Variants in ERAP1 observed in about 807,000 individuals in gnomAD.
ERAP1 encodes endoplasmic reticulum aminopeptidase 1.
In ERAP1, 86 loss-of-function variants were observed where a neutral mutation model predicts 103.7. The ratio of observed to expected loss-of-function variants is 0.83; its 90% CI spans 0.70 to 0.99. The LOEUF (loss-of-function observed/expected upper bound fraction) is 0.99, where lower values mean the gene tolerates loss of function less well. ERAP1 is among the 50% of genes least tolerant of loss of function. The probability of loss-of-function intolerance (pLI) is 0.00; values close to 1 mark genes in which losing one functional copy is unlikely to be tolerated. For missense variants in ERAP1, 1,009 were observed against 1,128.4 expected, an observed-to-expected ratio of 0.89 and a Z score of 1.52; for synonymous variants, 398 against 402.4, an observed-to-expected ratio of 0.99 and a Z score of 0.13.
At chr5:96,882,572 G>A in the ERAP1 span, among the ~76,000 whole-genome samples, 3 of 152,190 alleles carry the variant, frequency 2.0e-5, no homozygotes, top group Admixed American at 6.5e-5. Flanking sequence ...AGATGCAGAA[G>A]GTCACACTTT....
At chr5:96,832,990 CCTG>C in the ERAP1 span, among the ~76,000 whole-genome samples, 4 of 152,164 alleles carry the variant, frequency 2.6e-5, no homozygotes, top group African/African-American at 9.7e-5. Context: ...GGGGAGTAAT[CCTG>C]CTCTCTTTCT....
the ERAP1 span, chr5:96,909,188 T>C: frequency 1.3e-6 from 2 of 1,502,792 alleles, no homozygotes; most frequent in Non-Finnish European, 1.8e-6. Flanking sequence ...GCTCAGTTTG[T>C]TTTGTGTGAA....
intron 15 of ERAP1, 22 bp downstream of exon 15, chr5:96,783,029 T>C (rs1476669759): frequency 3.7e-6 from 6 of 1,613,086 alleles, no homozygotes; most frequent in Non-Finnish European, 3.4e-6. Context: ...ATCAACAAAT[T>C]GGTTATTTAG....
the ERAP1 span, among the ~76,000 whole-genome samples, chr5:96,855,922 A>T: frequency 3.3e-5 from 5 of 152,154 alleles, no homozygotes; most frequent in African/African-American, 9.7e-5. Context: ...TGTTAACTGC[A>T]ATGTTGGGAA....
At chr5:96,877,389 G>A in the ERAP1 span, among the ~76,000 whole-genome samples, 1 of 151,084 alleles carries the variant, frequency 6.6e-6, no homozygotes. Context: ...TATCAATCAA[G>A]TACATCTCTA....
the ERAP1 span, among the ~76,000 whole-genome samples, chr5:96,890,215 G>A: frequency 3.3e-5 from 5 of 152,202 alleles, no homozygotes; most frequent in African/African-American, 9.6e-5. Flanking sequence ...GACCAGATTT[G>A]TGGAAACAAT....
chr5:96,874,493 C>T, the ERAP1 span, among the ~76,000 whole-genome samples: 85 of 152,326 alleles, frequency 5.6e-4, no homozygotes, highest in South Asian at 0.016. Flanking sequence ...AGTTAGAGTC[C>T]GTAGATAAGC....
At position 96,790,368 on chromosome 5, in the gene ERAP1, C is replaced by T. The variant is rs770528857; in HGVS notation, c.1453-1G>A. ...CTTTTACACCATCTGTAGGGCAAAT[C>T]TAAAAACCAAAAATAAACACATCAC... On this transcript the variant is annotated splice_acceptor_variant, in intron 9 of 18. Transcript: ENST00000443439. LOFTEE classifies it high-confidence loss of function. 3 of 1,613,984 alleles carry T rather than the reference C, an allele frequency of 1.9e-6. No individual in the cohort carries two copies. Among genetic ancestry groups the T allele is most frequent in the Non-Finnish European group, 1.7e-6 (2 of 1,179,938 alleles).
intron 10 of ERAP1, among the ~76,000 whole-genome samples, chr5:96,789,089 G>A (rs1409598571): frequency 6.6e-6 from 1 of 152,224 alleles, no homozygotes; most frequent in East Asian, 1.9e-4. Context: ...TCAAGAGCCT[G>A]TGTTTCTAAA....
the ERAP1 span, chr5:96,902,228 C>A: frequency 7.6e-7 from 1 of 1,316,712 alleles, no homozygotes; most frequent in Non-Finnish European, 1.1e-6. Flanking sequence ...TGAAAAATCA[C>A]AGCAGCATTC....
chr5:96,881,127 G>A, the ERAP1 span: 3 of 304,030 alleles, frequency 9.9e-6, no homozygotes, highest in Non-Finnish European at 1.9e-5. Context: ...TGGAGCCTTG[G>A]GGCGTCTTGT....
chr5:96,776,569 G>A lies in ERAP1; in HGVS notation c.2671-18C>T, dbSNP rs763820912. ...CCTTTTACCTTGTGAGGAAAAAGTG[G>A]GTTTTAAAAAATTAATTTTATCACA... On this transcript the variant is annotated intron_variant, in intron 18 of 18. Coordinates refer to ENST00000443439, the MANE Select transcript of ERAP1 (RefSeq NM_001040458.3). 12 of 1,611,680 alleles carry A rather than the reference G, an allele frequency of 7.4e-6. No homozygotes were observed. The highest frequency in any genetic ancestry group is 1.0e-5 in the Non-Finnish European group (12 of 1,179,598).
intron 3 of ERAP1, among the ~76,000 whole-genome samples, chr5:96,799,528 C>T (rs757697336): frequency 6.6e-6 from 1 of 152,092 alleles, no homozygotes; most frequent in Non-Finnish European, 1.5e-5. Flanking sequence ...ATCTTTGTGG[C>T]GCTTCCAAAG....
chr5:96,796,643 C>T (rs1777373182), intron 4 of ERAP1, among the ~76,000 whole-genome samples: 1 of 152,142 alleles, frequency 6.6e-6, no homozygotes, highest in East Asian at 1.9e-4. Flanking sequence ...AGGATCATGA[C>T]TCAGGCCAGG....
At chr5:96,780,641 T>A in intron 17 of ERAP1, 137 bp from the exon 18 acceptor site, 1 of 729,072 alleles carries the variant, frequency 1.4e-6, no homozygotes, top group Non-Finnish European at 2.4e-6. Flanking sequence ...GTCTATCCAA[T>A]GGGTTAAGAT....
chr5:96,868,356 C>G, the ERAP1 span, among the ~76,000 whole-genome samples: 1 of 152,154 alleles, frequency 6.6e-6, no homozygotes, highest in Admixed American at 6.6e-5. Context: ...GGAAATACAA[C>G]CTACCACTCC....
At chr5:96,896,713 C>G in the ERAP1 span, 1 of 1,550,428 alleles carries the variant, frequency 6.4e-7, no homozygotes, top group Non-Finnish European at 8.6e-7. Flanking sequence ...TTTTTCAACT[C>G]TTTTGTTTTT....
the ERAP1 span, among the ~76,000 whole-genome samples, chr5:96,823,712 T>C: frequency 6.6e-6 from 1 of 152,260 alleles, no homozygotes; most frequent in Non-Finnish European, 1.5e-5. Flanking sequence ...AATTTCTTTT[T>C]CCTTCTTCAC....
chr5:96,900,107 T>C, the ERAP1 span: 1 of 1,613,774 alleles, frequency 6.2e-7, no homozygotes. Context: ...TGCTCTTTTG[T>C]TCTTGTTTTG....
Sources: allele counts gnomAD v4.1 joint callset (sites outside exome capture counted in the v4.1 genomes callset), GRCh38; gene constraint gnomAD v4.1.1; transcripts MANE v1.5; gene names NCBI Gene and HGNC (gene_info 2026-07-23, HGNC 2026-07-21).